The following ADAMTS19 variants were observed in gnomAD, a reference collection of about 807,000 sequenced individuals.
ADAMTS19 encodes ADAM metallopeptidase with thrombospondin type 1 motif 19, also known as A disintegrin and metalloproteinase with thrombospondin motifs 19.
In ADAMTS19, 93 loss-of-function variants were observed where a neutral mutation model predicts 153.3. The observed-to-expected ratio is 0.61, with a 90% CI of 0.51 to 0.72. ADAMTS19 has a LOEUF of 0.72. ADAMTS19 is among the 30% of genes least tolerant of loss of function. ADAMTS19 has a pLI of 0.00. For missense variants in ADAMTS19, 1,482 were observed against 1,552.1 expected (o/e 0.95, Z 0.76); for synonymous variants, 600 against 556.6 (o/e 1.08, Z -1.10).
chr5:129,496,118 G>T (rs149332238), intron 2 of ADAMTS19, among the ~76,000 whole-genome samples: 2 of 152,112 alleles, frequency 1.3e-5, no homozygotes, highest in African/African-American at 2.4e-5. Flanking sequence ...TTTAAGGGGG[G>T]GCACATAATT....
chr5:129,554,277 A>T, intron 7 of ADAMTS19, among the ~76,000 whole-genome samples: 1 of 152,206 alleles, frequency 6.6e-6, no homozygotes, highest in Middle Eastern at 3.4e-3. Flanking sequence ...CTCATCATCC[A>T]TGCATCTACC....
At chr5:129,533,175 T>G (rs1429527468) in intron 6 of ADAMTS19, among the ~76,000 whole-genome samples, 3 of 151,758 alleles carry the variant, frequency 2.0e-5, no homozygotes, top group Non-Finnish European at 4.4e-5. Flanking sequence ...TTATATAGAG[T>G]TTGAAAATAG....
At chr5:129,470,908 A>G (rs1750041686) in intron 2 of ADAMTS19, among the ~76,000 whole-genome samples, 1 of 152,160 alleles carries the variant, frequency 6.6e-6, no homozygotes, top group Admixed American at 6.5e-5. Flanking sequence ...GATAAACATA[A>G]GGATATTTTG....
chr5:129,601,163 C>T (rs534731273), intron 8 of ADAMTS19, among the ~76,000 whole-genome samples: 5 of 152,084 alleles, frequency 3.3e-5, no homozygotes, highest in African/African-American at 4.8e-5. Flanking sequence ...TGAGCCACCA[C>T]GCCCAGCCAG....
At position 129,548,095 on chromosome 5, in the gene ADAMTS19, C is replaced by T. The variant is rs1193897282; in HGVS notation, c.1329-3769C>T. ...ACCTAGAAGAAAACCTAGGCAATAC[C>T]ATTCAGGACATAGGCATGGGCAAAG... On this transcript the variant is annotated intron_variant, in intron 6 of 22. Coordinates refer to ENST00000274487, the MANE Select transcript of ADAMTS19 (RefSeq NM_133638.6). Among the ~76,000 whole-genome samples, 2 of 150,526 alleles carry T rather than the reference C, an allele frequency of 1.3e-5. 1 individual carries two copies. The highest frequency in any genetic ancestry group is 5.0e-5 in the African/African-American group (2 of 39,940).
At chr5:129,699,568 CT>C (rs1485568223) in intron 19 of ADAMTS19, among the ~76,000 whole-genome samples, 1 of 152,084 alleles carries the variant, frequency 6.6e-6, no homozygotes, top group African/African-American at 2.4e-5. Context: ...ATTAGGTAGC[CT>C]TTGAGCCCCT....
chr5:129,541,290 C>T (rs1280258489), intron 6 of ADAMTS19, among the ~76,000 whole-genome samples: 1 of 150,424 alleles, frequency 6.6e-6, no homozygotes, highest in African/African-American at 2.4e-5. Flanking sequence ...ATAGTTTTAT[C>T]GTGTTGTTTA....
intron 14 of ADAMTS19, 68 bp from the exon 15 acceptor site, chr5:129,658,549 C>A: frequency 2.6e-6 from 4 of 1,532,338 alleles, no homozygotes; most frequent in Non-Finnish European, 3.5e-6. Context: ...CTAGGTTTGT[C>A]CCAAATTAGT....
At position 129,550,713 on chromosome 5, in the gene ADAMTS19, C is replaced by CT. The variant is rs1554092566; in HGVS notation, c.1329-1143dup. ...AAAAGTATTGTGCTTAATTTTAAGT[C>CT]TTTTTTTTATCATTTAGATACAGCT... On this transcript the variant is annotated intron_variant, in intron 6 of 22. Coordinates refer to ENST00000274487, the MANE Select transcript of ADAMTS19 (RefSeq NM_133638.6). Among the ~76,000 whole-genome samples the CT allele has an allele frequency of 3.3e-3, 502 of 150,946 alleles. 3 individuals carry two copies. The highest frequency in any genetic ancestry group is 0.011 in the African/African-American group (463 of 41,300).
chr5:129,718,578 T>C (rs1251822833), intron 21 of ADAMTS19, among the ~76,000 whole-genome samples: 1 of 152,116 alleles, frequency 6.6e-6, no homozygotes, highest in East Asian at 1.9e-4. Context: ...TATTAAAAAG[T>C]TGAAAGATAG....
At chr5:129,683,991 C>A in intron 17 of ADAMTS19, 129 bp from the exon 18 acceptor site, 1 of 986,970 alleles carries the variant, frequency 1.0e-6, no homozygotes, top group Non-Finnish European at 1.5e-6. Context: ...ATGTCCACAA[C>A]AGCAACAACA....
intron 19 of ADAMTS19, among the ~76,000 whole-genome samples, chr5:129,700,952 C>T (rs916339864): frequency 2.0e-5 from 3 of 151,624 alleles, no homozygotes; most frequent in Non-Finnish European, 4.4e-5. Flanking sequence ...TAACTCTAGA[C>T]GTGTCAAAAT....
At position 129,737,310 on chromosome 5, in the gene ADAMTS19, A is replaced by G; in HGVS notation, c.*92A>G. 8.3e-7 allele frequency: 1 copy of G among 1,205,500 alleles called. No homozygotes were observed. The highest frequency in any genetic ancestry group is 1.1e-6 in the Non-Finnish European group (1 of 922,838). The allele number at this position is 1,205,500 out of a possible 1,614,324, so 74.7% of individuals were successfully genotyped here. ...TGTTTTTCAGACCAAATATTATCAG[A>G]TTACATATAATTTAATCAAATTAAT... On this transcript the variant is annotated 3_prime_UTR_variant, in exon 23 of 23. Coordinates refer to ENST00000274487, the MANE Select transcript of ADAMTS19 (RefSeq NM_133638.6).
intron 16 of ADAMTS19, among the ~76,000 whole-genome samples, chr5:129,675,158 T>C (rs1754499403): frequency 6.6e-6 from 1 of 152,202 alleles, no homozygotes; most frequent in African/African-American, 2.4e-5. Context: ...CTTTTTTCTC[T>C]CTAGGCACTT....
Position 129,461,394 on chromosome 5 carries a change from G to A in ADAMTS19, c.384G>A (p.Leu128=). The change falls in exon 2 of 23, where the codon CTG becomes CTA. Residue 128 remains leucine (L), a synonymous_variant. Coordinates refer to ENST00000274487, the MANE Select transcript of ADAMTS19 (RefSeq NM_133638.6). The surrounding 1 kb of genome is among the most constrained non-coding windows in gnomAD (Gnocchi z 4.6). ...ACGAGGAGCTCGAGTCGCAGGAGCT[G>A]CCGCGGGGATCCAGCGGGGCTGCCG... is the stretch of plus-strand genomic sequence containing the variant. ...EEDEELESQE[L]PRGSSGAAAL... 1 of 1,353,854 alleles carries A rather than the reference G, an allele frequency of 7.4e-7. No individual in the cohort carries two copies. The highest frequency in any genetic ancestry group is 9.4e-7 in the Non-Finnish European group (1 of 1,064,686). 83.9% of individuals were successfully genotyped at this position (1,353,854 alleles called of 1,614,324 possible).
intron 7 of ADAMTS19, among the ~76,000 whole-genome samples, chr5:129,592,154 G>C (rs55807697): frequency 0.086 from 13,031 of 152,040 alleles, 632 homozygotes; most frequent in Middle Eastern, 0.16. Context: ...GAGGTGGATG[G>C]ATCACTTGAG....
intron 8 of ADAMTS19, among the ~76,000 whole-genome samples, chr5:129,611,245 C>T (rs4407656): frequency 0.84 from 127,560 of 151,994 alleles, 53,756 homozygotes; most frequent in Non-Finnish European, 0.88. Context: ...GGTTGCCTGT[C>T]CACTCTGATG....
chr5:129,569,994 G>A (rs1055789693), intron 7 of ADAMTS19, among the ~76,000 whole-genome samples: 2 of 151,954 alleles, frequency 1.3e-5, no homozygotes, highest in South Asian at 4.1e-4. Flanking sequence ...ATCAGTAGGA[G>A]AATTCCCCTA....
intron 7 of ADAMTS19, among the ~76,000 whole-genome samples, chr5:129,569,588 C>T (rs892335351): frequency 1.3e-5 from 2 of 152,004 alleles, no homozygotes; most frequent in Admixed American, 6.6e-5. Flanking sequence ...CAAACCTTTA[C>T]CAATTTAAAG....
Sources: allele counts gnomAD v4.1 joint callset (sites outside exome capture counted in the v4.1 genomes callset), GRCh38; gene constraint gnomAD v4.1.1; non-coding constraint Gnocchi (gnomAD v3.1); transcripts MANE v1.5; gene names NCBI Gene and HGNC (gene_info 2026-07-23, HGNC 2026-07-21).